SEC24A: variants seen among roughly 807,000 people sequenced by gnomAD.
The protein encoded by SEC24A is SEC24 homolog A, COPII component.
SEC24A carries 93 observed loss-of-function variants against 129.4 expected under a neutral mutation model. The ratio of observed to expected loss-of-function variants is 0.72; its 90% CI spans 0.61 to 0.85. The LOEUF (loss-of-function observed/expected upper bound fraction) is 0.85, where lower values mean the gene tolerates loss of function less well. Among genes scored for constraint, SEC24A ranks in the 40% least tolerant of loss-of-function variants. The pLI is 0.00. For synonymous variants in SEC24A, 460 were observed against 467.3 expected (o/e 0.98, Z 0.20); for missense variants, 1,264 against 1,307.4 (o/e 0.97, Z 0.51).
In SEC24A at chr5:134,688,299, G is replaced by C; in HGVS notation, c.1723G>C (p.Asp575His). ...GATGCTAATAGTTTCAGATATTGAAGGTATAGATTTATTGAACTACTTTCA... is the reference window on the plus strand; with the variant it reads ...GATGCTAATAGTTTCAGATATTGAACGTATAGATTTATTGAACTACTTTCA... ...PQMLIVSDIE[D>H]VFIPMPENLL... Residue 575 changes from aspartate to histidine, a missense_variant and splice_region_variant, in exon 11 of 23, where the codon GAT (aspartate) becomes CAT (histidine). Physicochemically the swap from Asp to His is moderately conservative, Grantham distance 81 (BLOSUM62 -1). Coordinates refer to ENST00000398844, the MANE Select transcript of SEC24A (RefSeq NM_021982.3). 1.3e-6 allele frequency: 2 copies of C among 1,501,406 alleles called. No homozygotes were observed. Among genetic ancestry groups the C allele is most frequent in the Non-Finnish European group, 1.8e-6 (2 of 1,081,876 alleles). 93.0% of individuals were successfully genotyped at this position (1,501,406 alleles called of 1,614,324 possible). A position where few individuals can be genotyped will look rare whatever the true frequency, so the allele number is the denominator to read the frequency against.
At chr5:134,655,496 A>G (rs1433161725) in intron 1 of SEC24A, among the ~76,000 whole-genome samples, 2 of 151,936 alleles carry the variant, frequency 1.3e-5, no homozygotes, top group African/African-American at 4.8e-5. Context: ...TAAAAATACA[A>G]AAATTAGCCG....
chr5:134,651,009 T>C (rs1353017337), intron 1 of SEC24A, among the ~76,000 whole-genome samples: 1 of 151,756 alleles, frequency 6.6e-6, no homozygotes, highest in Non-Finnish European at 1.5e-5. Context: ...TCCTGACCTC[T>C]AGTGATCCAC....
chr5:134,649,913 T>C (rs1334557014), intron 1 of SEC24A, among the ~76,000 whole-genome samples: 2 of 152,192 alleles, frequency 1.3e-5, no homozygotes, highest in African/African-American at 4.8e-5. Flanking sequence ...TAAGATTATT[T>C]CAGTTGTTAC....
intron 3 of SEC24A, among the ~76,000 whole-genome samples, chr5:134,667,927 T>C (rs756674534): frequency 3.9e-5 from 6 of 152,118 alleles, no homozygotes; most frequent in Admixed American, 6.6e-5. Context: ...AGAAATTTGA[T>C]TTTAGGCTGG....
chr5:134,661,504 A>T lies in SEC24A; in HGVS notation c.483A>T (p.Val161=), dbSNP rs1360544647. 6.2e-7 allele frequency: 1 copy of T among 1,614,180 alleles called. No individual in the cohort carries two copies. The highest frequency in any genetic ancestry group is 1.1e-5 in the South Asian group (1 of 91,086). Residue 161 remains valine (V), a synonymous_variant, in exon 2 of 23, where the codon GTA becomes GTT. Coordinates refer to ENST00000398844, the MANE Select transcript of SEC24A (RefSeq NM_021982.3). ...CTCGTGCATCATCCCAACCAACTGT[A>T]TCTGGAAATACAAGTTTAACCACAA... ...HCPRASSQPT[V]SGNTSLTTNH... is the part of the protein sequence containing the mutation.
rs187298083 is a variant in SEC24A, at chr5:134,649,692, A to G, written c.97+519A>G. Reference sequence around the variant, plus strand: ...GAATTGTACCTACAACAGCTGTTCAATGTTTCAGCTGTGGAAAAACCAAAT... The same window carrying G: ...GAATTGTACCTACAACAGCTGTTCAGTGTTTCAGCTGTGGAAAAACCAAAT... On this transcript the variant is annotated intron_variant, in intron 1 of 22. Transcript: ENST00000398844. Among the ~76,000 whole-genome samples the G allele has an allele frequency of 4.9e-4, 75 of 152,248 alleles. 1 individual carries two copies. The highest frequency in any genetic ancestry group is 1.5e-3 in the African/African-American group (63 of 41,556).
rs1014187563 is a variant in SEC24A at position 134,725,941 on chromosome 5, A to G, written c.*847A>G. On this transcript the variant is annotated 3_prime_UTR_variant, in exon 23 of 23. Coordinates refer to ENST00000398844, the MANE Select transcript of SEC24A (RefSeq NM_021982.3). ...TGGTGCATTTCTGCTCTGGGTATAT[A>G]ATAAAAGTGGGGGTTTTTGGTGAAA... The G allele has an allele frequency of 6.6e-6, 1 of 152,184 alleles. No homozygotes were observed. The highest frequency in any genetic ancestry group is 6.6e-5 in the Admixed American group (1 of 15,258). 9.4% of individuals were successfully genotyped at this position (152,184 alleles called of 1,614,324 possible).
intron 15 of SEC24A, among the ~76,000 whole-genome samples, chr5:134,700,479 A>C (rs1031156504): frequency 6.6e-6 from 1 of 151,874 alleles, no homozygotes; most frequent in Non-Finnish European, 1.5e-5. Flanking sequence ...TCAGCCTCCC[A>C]AAGTGCTGGG....
intron 18 of SEC24A, among the ~76,000 whole-genome samples, chr5:134,712,931 T>TTA: frequency 1.4e-5 from 2 of 140,130 alleles, no homozygotes; most frequent in South Asian, 4.9e-4. Context: ...TTTAAATTTT[T>TTA]TTTTTTTTTT....
At chr5:134,711,862 C>A (rs556628295) in intron 18 of SEC24A, among the ~76,000 whole-genome samples, 72 of 152,210 alleles carry the variant, frequency 4.7e-4, no homozygotes, top group Admixed American at 1.4e-3. Context: ...ATTCTCCTGC[C>A]TCAGCCTCCC....
chr5:134,683,030 T>C (rs1751328379), intron 9 of SEC24A, among the ~76,000 whole-genome samples: 1 of 148,038 alleles, frequency 6.8e-6, no homozygotes, highest in Admixed American at 6.7e-5. Context: ...TCGTATTTAC[T>C]TTTTTTTTTT....
chr5:134,690,521 C>T (rs1410646980), intron 11 of SEC24A, among the ~76,000 whole-genome samples: 1 of 152,188 alleles, frequency 6.6e-6, no homozygotes, highest in Non-Finnish European at 1.5e-5. Context: ...TGCTAAGTTG[C>T]ACAGGCTGGT....
chr5:134,706,433 C>T lies in SEC24A; in HGVS notation c.2551+996C>T, dbSNP rs7706389. Among the ~76,000 whole-genome samples, 650 of 152,270 alleles carry T rather than the reference C, an allele frequency of 4.3e-3. 4 individuals are homozygous for T. The highest frequency in any genetic ancestry group is 0.015 in the African/African-American group (626 of 41,550). On this transcript the variant is annotated intron_variant, in intron 17 of 22. Transcript: ENST00000398844. ...TTTTTGGTTCCTTTTCAAATACATA[C>T]AGCTTAATAACATCATTTTGATTCT...
intron 11 of SEC24A, among the ~76,000 whole-genome samples, chr5:134,692,057 CTT>C (rs61531967): frequency 1.1e-4 from 14 of 127,906 alleles, no homozygotes; most frequent in Non-Finnish European, 1.5e-4. Context: ...TTTTTCTTTC[CTT>C]TTTTTTTTTT....
chr5:134,694,654 CAAA>C (rs777547814), intron 13 of SEC24A, among the ~76,000 whole-genome samples: 1 of 123,204 alleles, frequency 8.1e-6, no homozygotes, highest in Admixed American at 8.4e-5. Flanking sequence ...GACTCCGTCT[CAAA>C]AAAAAAAAAA....
rs1751738097 is a variant in SEC24A at position 134,693,832 on chromosome 5, C to G, written c.1885C>G (p.Pro629Ala). 6.2e-7 allele frequency: 1 copy of G among 1,614,014 alleles called. No homozygotes were observed. Among genetic ancestry groups the G allele is most frequent in the Non-Finnish European group, 8.5e-7 (1 of 1,180,040 alleles). The change falls in exon 13 of 23, where the codon CCA becomes GCA. Residue 629 changes from proline (P) to alanine (A), a missense_variant. Physicochemically the swap from Pro to Ala is conservative, Grantham distance 27. Transcript: ENST00000398844. ...ALQAAFKLMS[P>A]TGGRMSVFQT... ...GCAGGCTGCCTTTAAGCTGATGTCT[C>G]CAACTGGTGGTCGAATGTCTGTCTT... is the stretch of plus-strand genomic sequence containing the variant.
At chr5:134,657,879 A>G (rs1750301262) in intron 1 of SEC24A, among the ~76,000 whole-genome samples, 1 of 152,210 alleles carries the variant, frequency 6.6e-6, no homozygotes, top group South Asian at 2.1e-4. Context: ...GCCTGGCAAA[A>G]ATTATTTTTA....
chr5:134,649,737 T>A (rs908697372), intron 1 of SEC24A, among the ~76,000 whole-genome samples: 1 of 152,244 alleles, frequency 6.6e-6, no homozygotes, highest in Admixed American at 6.5e-5. Flanking sequence ...GATCTCCTGG[T>A]TGACTTCTAG....
chr5:134,701,267 C>G (rs769083004), intron 15 of SEC24A: 1 of 152,164 alleles, frequency 6.6e-6, no homozygotes, highest in Admixed American at 6.6e-5. Context: ...TACATGCTGT[C>G]GAAGTGAGTA....
Sources: gnomAD v4.1 joint callset for allele counts (sites outside exome capture counted in the v4.1 genomes callset) on GRCh38, gnomAD v4.1.1 for gene constraint, MANE v1.5 for transcripts, NCBI Gene and HGNC (gene_info 2026-07-23, HGNC 2026-07-21) for gene names.